The following MCAT variants were observed in gnomAD, a reference collection of about 807,000 sequenced individuals.
MCAT encodes malonyl-CoA-acyl carrier protein transacylase, mitochondrial.
MCAT carries 22 observed loss-of-function variants against 22.9 expected under a neutral mutation model. The ratio of observed to expected loss-of-function variants is 0.96; its 90% CI spans 0.69 to 1.37. The LOEUF is 1.37. Ranked by LOEUF, MCAT falls within the 40% of genes most tolerant of loss-of-function variation. The pLI is 0.00. For missense variants in MCAT, 534 were observed against 533.6 expected, an observed-to-expected ratio of 1.00 and a Z score of -0.01; for synonymous variants, 240 against 233.9, an observed-to-expected ratio of 1.03 and a Z score of -0.24.
chr22:43,136,982 G>T, intron 3 of MCAT, 99 bp downstream of exon 3: 2 of 1,033,668 alleles, frequency 1.9e-6, no homozygotes, highest in African/African-American at 1.6e-5. Flanking sequence ...GACCGGGCTG[G>T]ACCCAGCACC....
At chr22:43,134,259 C>T (rs1009023715) in intron 3 of MCAT, among the ~76,000 whole-genome samples, 1 of 152,138 alleles carries the variant, frequency 6.6e-6, no homozygotes, top group African/African-American at 2.4e-5. Context: ...CAAAAACCTC[C>T]CCTGAAGGCA....
In MCAT at chr22:43,142,910, G is replaced by A; in HGVS notation, c.423+16C>T. Reference sequence around the variant, plus strand: ...AGCTCACCTTCCCCCTCCTGTCACGGGGCCTCGGGCCTCACCGAGGGCTGC... The same window carrying A: ...AGCTCACCTTCCCCCTCCTGTCACGAGGCCTCGGGCCTCACCGAGGGCTGC... On this transcript the variant is annotated intron_variant, in intron 1 of 3. Coordinates refer to ENST00000290429, the MANE Select transcript of MCAT (RefSeq NM_173467.5). 1 of 1,509,832 alleles carries A rather than the reference G, an allele frequency of 6.6e-7. No individual in the cohort carries two copies. The highest frequency in any genetic ancestry group is 8.9e-7 in the Non-Finnish European group (1 of 1,125,996). The allele number at this position is 1,509,832 out of a possible 1,614,324, so 93.5% of individuals were successfully genotyped here. A position where few individuals can be genotyped will look rare whatever the true frequency, so the allele number is the denominator to read the frequency against.
At chr22:43,142,456 C>T (rs1930795417) in intron 1 of MCAT, among the ~76,000 whole-genome samples, 1 of 151,292 alleles carries the variant, frequency 6.6e-6, no homozygotes, top group Admixed American at 6.6e-5. Context: ...CATTGCACTC[C>T]AGCCTGGGTG....
At chr22:43,139,097 G>A (rs756765053) in intron 2 of MCAT, among the ~76,000 whole-genome samples, 1 of 152,116 alleles carries the variant, frequency 6.6e-6, no homozygotes, top group Non-Finnish European at 1.5e-5. Flanking sequence ...GGAAGACAGA[G>A]GAAAACTCTG....
In MCAT at chr22:43,133,050, G is replaced by C; in HGVS notation, c.1166C>G (p.Pro389Arg). The C allele has an allele frequency of 6.2e-7, 1 of 1,612,796 alleles. No individual in the cohort carries two copies. The highest frequency in any genetic ancestry group is 1.7e-5 in the Admixed American group (1 of 59,974). ...CATTTGAGCCCCCTGCAGTCATCTC[G>C]GGGGCTCCTGAGGGTCCAGGTCCAC... is the stretch of plus-strand genomic sequence containing the variant. ...EHVDLDPQEP[P>R]R Residue 389 changes from proline to arginine, a missense_variant, in exon 4 of 4, where the codon CCG becomes CGG. Coordinates refer to ENST00000290429, the MANE Select transcript of MCAT (RefSeq NM_173467.5).
At chr22:43,139,549 C>T (rs961094675) in intron 2 of MCAT, among the ~76,000 whole-genome samples, 2 of 150,482 alleles carry the variant, frequency 1.3e-5, no homozygotes, top group Admixed American at 6.7e-5. Flanking sequence ...AAAAAGAAAA[C>T]ACAAAAGTGT....
At chr22:43,134,294 C>T (rs146582106) in intron 3 of MCAT, among the ~76,000 whole-genome samples, 105 of 152,228 alleles carry the variant, frequency 6.9e-4, no homozygotes, top group Non-Finnish European at 1.1e-3. Flanking sequence ...GGGCCTCGGG[C>T]GAGCCAATAG....
Position 43,143,073 on chromosome 22 carries a change from G to T in MCAT, c.276C>A (p.Ala92=), listed in dbSNP as rs1313394157. 1.2e-6 allele frequency: 2 copies of T among 1,608,850 alleles called. No individual in the cohort carries two copies. Among genetic ancestry groups the T allele is most frequent in the Non-Finnish European group, 1.7e-6 (2 of 1,179,210 alleles). The change falls in exon 1 of 4, where the codon GCC becomes GCA. Residue 92 remains alanine (A), a synonymous_variant. Transcript: ENST00000290429. ...LNYPRVRELY[A]AARRVLGYDL... Reference sequence around the variant, plus strand: ...CGTAGCCCAGCACGCGGCGGGCGGCGGCGTAGAGTTCGCGGACGCGCGGGT... The same window carrying T: ...CGTAGCCCAGCACGCGGCGGGCGGCTGCGTAGAGTTCGCGGACGCGCGGGT...
chr22:43,137,725 T>A (rs774557406), intron 2 of MCAT, among the ~76,000 whole-genome samples: 3 of 146,784 alleles, frequency 2.0e-5, no homozygotes, highest in Non-Finnish European at 4.5e-5. Flanking sequence ...CCTGGCCCAA[T>A]AGCGCCACTG....
Position 43,137,217 on chromosome 22 carries a change from C to T in MCAT, c.593G>A (p.Gly198Asp), listed in dbSNP as rs1930640722. Residue 198 changes from glycine (G) to aspartate (D), a missense_variant, in exon 3 of 4, where the codon GGC becomes GAC. Coordinates refer to ENST00000290429, the MANE Select transcript of MCAT (RefSeq NM_173467.5). The part of the protein sequence containing the change: ...AVPSGMLSVL[G>D]QPQSKFNFAC... ...GAAGTTGAACTTGGACTGAGGCTGGCCGAGGACAGACAGCATCCCACTGGG... is the reference window on the plus strand; with the variant it reads ...GAAGTTGAACTTGGACTGAGGCTGGTCGAGGACAGACAGCATCCCACTGGG... The T allele has an allele frequency of 6.2e-7, 1 of 1,614,188 alleles. No individual in the cohort carries two copies. Among genetic ancestry groups the T allele is most frequent in the East Asian group, 2.2e-5 (1 of 44,888 alleles).
In MCAT at chr22:43,137,103, C is replaced by T. The variant is rs1471938035; in HGVS notation, c.707G>A (p.Arg236Lys). Residue 236 changes from arginine (R) to lysine (K), a missense_variant, in exon 3 of 4, where the codon AGG becomes AAG. Transcript: ENST00000290429. ...CACCTCTTGGTGTCCTGAAATCACC[C>T]TGCAATCTGGAAAGAGGTAGTTGGA... ...EVSNYLFPDC[R>K]VISGHQEALR... The T allele has an allele frequency of 1.2e-6, 2 of 1,614,186 alleles. No homozygotes were observed. The highest frequency in any genetic ancestry group is 1.7e-6 in the Non-Finnish European group (2 of 1,180,024).
In MCAT at chr22:43,132,954, A is replaced by G. The variant is rs1228805751; in HGVS notation, c.*89T>C. On this transcript the variant is annotated 3_prime_UTR_variant, in exon 4 of 4. Transcript: ENST00000290429. ...AATCCCTTTCACTCCTCAGAGGAGG[A>G]GCCATTAGGAAGGTAGGGGGCGACA... is the stretch of plus-strand genomic sequence containing the variant. 1.6e-6 allele frequency: 2 copies of G among 1,215,460 alleles called. No individual in the cohort carries two copies. Among genetic ancestry groups the G allele is most frequent in the Non-Finnish European group, 2.3e-6 (2 of 855,504 alleles). The allele number at this position is 1,215,460 out of a possible 1,614,324, so 75.3% of individuals were successfully genotyped here.
intron 2 of MCAT, among the ~76,000 whole-genome samples, chr22:43,139,862 G>A (rs1055112364): frequency 1.3e-5 from 2 of 152,050 alleles, no homozygotes; most frequent in Non-Finnish European, 2.9e-5. Flanking sequence ...GATTACAGGC[G>A]TGAGCCACCA....
rs377691255 is a variant in MCAT, at chr22:43,133,371, G to T, written c.845C>A (p.Thr282Lys). 1 of 1,614,032 alleles carries T rather than the reference G, an allele frequency of 6.2e-7. No individual in the cohort carries two copies. Among genetic ancestry groups the T allele is most frequent in the Admixed American group, 1.7e-5 (1 of 59,996 alleles). ...RLMEPAVEPLTQALKAVDIKK... is the reference protein window; with the variant it reads ...RLMEPAVEPLKQALKAVDIKK... Reference sequence around the variant, plus strand: ...AATGTCGACTGCCTTTAAAGCTTGCGTCAGGGGCTCCACGGCTGGCTCCAT... The same window carrying T: ...AATGTCGACTGCCTTTAAAGCTTGCTTCAGGGGCTCCACGGCTGGCTCCAT... Residue 282 changes from threonine (T) to lysine (K), a missense_variant, in exon 4 of 4, where the codon ACG becomes AAG. Physicochemically the swap from Thr to Lys is moderately conservative, Grantham distance 78 (BLOSUM62 -1). Coordinates refer to ENST00000290429, the MANE Select transcript of MCAT (RefSeq NM_173467.5).
chr22:43,139,915 C>T lies in MCAT; in HGVS notation c.511+1247G>A, dbSNP rs538101770. On this transcript the variant is annotated intron_variant, in intron 2 of 3. Coordinates refer to ENST00000290429, the MANE Select transcript of MCAT (RefSeq NM_173467.5). Reference sequence around the variant, plus strand: ...CACATTATGTACACATAAAATGATACATGTAATAAAATTGTTTCATAAAAT... The same window carrying T: ...CACATTATGTACACATAAAATGATATATGTAATAAAATTGTTTCATAAAAT... Among the ~76,000 whole-genome samples the T allele has an allele frequency of 1.3e-4, 20 of 152,194 alleles. No individual in the cohort carries two copies. In the South Asian group the frequency reaches 2.7e-3, roughly 20 times the overall value.
In MCAT at chr22:43,132,947, G is replaced by T; in HGVS notation, c.*96C>A. On this transcript the variant is annotated 3_prime_UTR_variant, in exon 4 of 4. Transcript: ENST00000290429. ...GCAAACAAATCCCTTTCACTCCTCA[G>T]AGGAGGAGCCATTAGGAAGGTAGGG... 8.6e-7 allele frequency: 1 copy of T among 1,156,164 alleles called. No individual in the cohort carries two copies. Among genetic ancestry groups the T allele is most frequent in the Non-Finnish European group, 1.2e-6 (1 of 803,780 alleles). 71.6% of individuals were successfully genotyped at this position (1,156,164 alleles called of 1,614,324 possible). A position where few individuals can be genotyped will look rare whatever the true frequency, so the allele number is the denominator to read the frequency against.
chr22:43,137,820 G>C (rs1000158514), intron 2 of MCAT, among the ~76,000 whole-genome samples: 4 of 151,998 alleles, frequency 2.6e-5, no homozygotes, highest in Admixed American at 6.6e-5. Context: ...CATTGCCTTA[G>C]CCAAGTCACA....
In MCAT at chr22:43,133,496, G is replaced by A. The variant is rs1930517870; in HGVS notation, c.730-10C>T. 1 of 1,596,154 alleles carries A rather than the reference G, an allele frequency of 6.3e-7. No individual in the cohort carries two copies. Among genetic ancestry groups the A allele is most frequent in the Non-Finnish European group, 8.5e-7 (1 of 1,170,928 alleles). ...GGAGAAACCGTAGAGCCTGGGGAAG[G>A]AAGGAGGTTTCAGCCGAGCAATGTC... On this transcript the variant is annotated splice_polypyrimidine_tract_variant and intron_variant, in intron 3 of 3. Coordinates refer to ENST00000290429, the MANE Select transcript of MCAT (RefSeq NM_173467.5).
In MCAT at chr22:43,133,178, G is replaced by A. The variant is rs369930090; in HGVS notation, c.1038C>T (p.Phe346=). Residue 346 remains phenylalanine, a synonymous_variant, in exon 4 of 4, where the codon TTC becomes TTT. Coordinates refer to ENST00000290429, the MANE Select transcript of MCAT (RefSeq NM_173467.5). ...RKKGRGFPQT[F]EVGPGRQLGA... ...CCAGCTGCCTGCCAGGGCCTACTTC[G>A]AAAGTTTGGGGGAACCCCCTGCCCT... The A allele has an allele frequency of 3.7e-5, 59 of 1,614,192 alleles. No homozygotes were observed. The highest frequency in any genetic ancestry group is 5.3e-5 in the African/African-American group (4 of 75,050).
Sources: allele counts gnomAD v4.1 joint callset (sites outside exome capture counted in the v4.1 genomes callset), GRCh38; gene constraint gnomAD v4.1.1; transcripts MANE v1.5; gene names NCBI Gene and HGNC (gene_info 2026-07-23, HGNC 2026-07-21).